DPP6: variants seen among roughly 807,000 people sequenced by gnomAD.
DPP6 encodes the protein dipeptidyl peptidase like 6.
In DPP6, 69 loss-of-function variants were observed where a neutral mutation model predicts 122.6. That is an observed-to-expected ratio of 0.56 (90% CI 0.46 to 0.69). The LOEUF (loss-of-function observed/expected upper bound fraction) is 0.69. Among genes scored for constraint, DPP6 ranks in the 30% least tolerant of loss-of-function variants. The probability of loss-of-function intolerance (pLI) is 0.00; values close to 1 mark genes in which losing one functional copy is unlikely to be tolerated. For missense variants in DPP6, 928 were observed against 1,116.9 expected, an observed-to-expected ratio of 0.83 and a Z score of 2.41; for synonymous variants, 418 against 433.1, an observed-to-expected ratio of 0.97 and a Z score of 0.43.
At chr7:154,703,630 A>G (rs1039924277) in intron 7 of DPP6, among the ~76,000 whole-genome samples, 1 of 151,676 alleles carries the variant, frequency 6.6e-6, no homozygotes, top group African/African-American at 2.4e-5. Flanking sequence ...AAAAAAAAAA[A>G]AAAAAGAAAA....
intron 1 of DPP6, among the ~76,000 whole-genome samples, chr7:154,074,577 A>G (rs998616756): frequency 3.9e-5 from 6 of 152,244 alleles, no homozygotes; most frequent in African/African-American, 1.4e-4. Context: ...TAATCTTTGC[A>G]GCTGTCCATG....
upstream of DPP6, among the ~76,000 whole-genome samples, chr7:153,882,646 C>T (rs959578148): frequency 2.0e-5 from 3 of 152,200 alleles, no homozygotes; most frequent in Non-Finnish European, 4.4e-5. Context: ...TCGACACCAC[C>T]AATGGCTGCA....
the DPP6 span, among the ~76,000 whole-genome samples, chr7:153,843,253 C>T: frequency 6.8e-6 from 1 of 146,186 alleles, no homozygotes; most frequent in Non-Finnish European, 1.5e-5. Flanking sequence ...CATACATGTG[C>T]ATACAGACAC....
intron 1 of DPP6, among the ~76,000 whole-genome samples, chr7:154,393,673 C>T (rs1471563448): frequency 6.6e-6 from 1 of 151,706 alleles, no homozygotes; most frequent in Non-Finnish European, 1.5e-5. Context: ...CCATCTTAAC[C>T]ATTTTGAGGT....
At position 154,807,345 on chromosome 7, in the gene DPP6, C is replaced by T. The variant is rs964695803; in HGVS notation, c.1666+233C>T. On this transcript the variant is annotated intron_variant, in intron 16 of 25. Coordinates refer to ENST00000377770, the MANE Select transcript of DPP6 (RefSeq NM_130797.4). ...CGTTTCATACAGGTGTACAGCTTATCAGAGTGTTCTGTGCACACTGTGCCA... is the reference window on the plus strand; with the variant it reads ...CGTTTCATACAGGTGTACAGCTTATTAGAGTGTTCTGTGCACACTGTGCCA... 2.0e-5 allele frequency among the ~76,000 whole-genome samples: 3 copies of T among 152,280 alleles called. No individual in the cohort carries two copies. In the East Asian group the frequency reaches 5.8e-4, roughly 29 times the overall value.
At chr7:154,639,486 A>T (rs1435307338) in intron 6 of DPP6, among the ~76,000 whole-genome samples, 1 of 152,228 alleles carries the variant, frequency 6.6e-6, no homozygotes, top group African/African-American at 2.4e-5. Flanking sequence ...TTTGTTGTAG[A>T]TGATAGATAT....
At chr7:154,002,533 C>G (rs1390882340) in intron 1 of DPP6, among the ~76,000 whole-genome samples, 1 of 152,172 alleles carries the variant, frequency 6.6e-6, no homozygotes, top group Admixed American at 6.5e-5. Flanking sequence ...GTAGGTATCT[C>G]TAAACTATTG....
At chr7:154,557,321 C>T (rs964099984) in intron 4 of DPP6, among the ~76,000 whole-genome samples, 2 of 152,134 alleles carry the variant, frequency 1.3e-5, no homozygotes, top group Admixed American at 6.5e-5. Context: ...CCGGCAGCAT[C>T]GTTAGCAATT....
At position 154,293,522 on chromosome 7, in the gene DPP6, C is replaced by T. The variant is rs143973458; in HGVS notation, c.244-152692C>T. ...AGCCTCCCCCCATCAACTCCTTCAT[C>T]CTGGCAGCCTAGGAAAGGTTACTCT... is the stretch of plus-strand genomic sequence containing the variant. On this transcript the variant is annotated intron_variant, in intron 1 of 25. Coordinates refer to ENST00000377770, the MANE Select transcript of DPP6 (RefSeq NM_130797.4). Among the ~76,000 whole-genome samples, 409 of 152,290 alleles carry T rather than the reference C, an allele frequency of 2.7e-3. 2 individuals are homozygous for T. In the Middle Eastern group the frequency reaches 0.027, roughly 10 times the overall value.
chr7:153,868,046 A>G, the DPP6 span, among the ~76,000 whole-genome samples: 2 of 152,046 alleles, frequency 1.3e-5, no homozygotes, highest in Admixed American at 6.6e-5. Flanking sequence ...TGCTGGATTC[A>G]GTTTGCCAGT....
chr7:154,583,850 C>T (rs1297312537), intron 5 of DPP6, among the ~76,000 whole-genome samples: 2 of 152,092 alleles, frequency 1.3e-5, no homozygotes, highest in East Asian at 1.9e-4. Context: ...TGATCTCATC[C>T]GTTTAATCCC....
chr7:154,504,154 C>T (rs977568802), intron 3 of DPP6, among the ~76,000 whole-genome samples: 8 of 151,770 alleles, frequency 5.3e-5, no homozygotes, highest in Non-Finnish European at 1.0e-4. Flanking sequence ...TGAAACAGTG[C>T]CCTCTAGTGG....
the DPP6 span, among the ~76,000 whole-genome samples, chr7:153,802,243 ACAATCTGCCACACAGGGGG>A: frequency 1.3e-5 from 2 of 152,176 alleles, no homozygotes; most frequent in African/African-American, 4.8e-5. Flanking sequence ...CAAGGGAATA[ACAATCTGCCACACAGGGGG>A]CCCCAGGAGG....
At chr7:154,626,318 C>T (rs180819638) in intron 5 of DPP6, among the ~76,000 whole-genome samples, 53 of 152,182 alleles carry the variant, frequency 3.5e-4, no homozygotes, top group Admixed American at 1.5e-3. Flanking sequence ...GTTTTTGAAA[C>T]GCATATTTGG....
At chr7:153,795,102 T>G in the DPP6 span, among the ~76,000 whole-genome samples, 1 of 152,194 alleles carries the variant, frequency 6.6e-6, no homozygotes, top group Non-Finnish European at 1.5e-5. Flanking sequence ...TTTCTTAATA[T>G]TCTCTTATTA....
chr7:154,518,466 C>G (rs1196160117), intron 3 of DPP6, among the ~76,000 whole-genome samples: 3 of 152,122 alleles, frequency 2.0e-5, no homozygotes, highest in Non-Finnish European at 4.4e-5. Context: ...ACTTTGAGAA[C>G]AAACCAGTGT....
At chr7:154,780,495 G>A (rs1024848589) in intron 10 of DPP6, among the ~76,000 whole-genome samples, 10 of 152,106 alleles carry the variant, frequency 6.6e-5, no homozygotes, top group African/African-American at 2.2e-4. Flanking sequence ...ATTCTGCGTC[G>A]CCATCCTCAT....
chr7:154,205,198 G>A (rs1196706462), intron 1 of DPP6, among the ~76,000 whole-genome samples: 1 of 151,896 alleles, frequency 6.6e-6, no homozygotes, highest in Non-Finnish European at 1.5e-5. Context: ...TGCACTTACA[G>A]GAAATAATAC....
the DPP6 span, among the ~76,000 whole-genome samples, chr7:153,808,802 A>T: frequency 4.6e-3 from 700 of 152,092 alleles, 21 homozygotes; most frequent in African/African-American, 0.016. Context: ...ATGGATTCTT[A>T]AGTTGCATCT....
Sources: gnomAD v4.1 joint callset for allele counts (sites outside exome capture counted in the v4.1 genomes callset) on GRCh38, gnomAD v4.1.1 for gene constraint, MANE v1.5 for transcripts, NCBI Gene and HGNC (gene_info 2026-07-23, HGNC 2026-07-21) for gene names.